EFCAB14: variants seen among roughly 807,000 people sequenced by gnomAD.
EFCAB14 encodes the protein EF-hand calcium-binding domain-containing protein 14.
Under a neutral mutation model 56.5 loss-of-function variants are expected in EFCAB14, and 43 were observed. That is an observed-to-expected ratio of 0.76 (90% CI 0.60 to 0.98). EFCAB14 has a LOEUF of 0.98. Ranked by LOEUF, EFCAB14 falls within the 50% of genes least tolerant of loss-of-function variation. The probability of loss-of-function intolerance (pLI) is 0.00; values close to 1 mark genes in which losing one functional copy is unlikely to be tolerated. For synonymous variants in EFCAB14, 235 were observed against 212.9 expected (o/e 1.10, Z -0.90); for missense variants, 538 against 580.3 (o/e 0.93, Z 0.75).
chr1:46,691,538 T>C (rs929530839), intron 5 of EFCAB14, among the ~76,000 whole-genome samples: 18 of 152,230 alleles, frequency 1.2e-4, no homozygotes, highest in Non-Finnish European at 1.2e-4. Context: ...GAGACACTTT[T>C]CCACTTCCTT....
At chr1:46,705,559 G>C (rs1276212963) in intron 3 of EFCAB14, among the ~76,000 whole-genome samples, 4 of 152,086 alleles carry the variant, frequency 2.6e-5, no homozygotes, top group African/African-American at 7.2e-5. Context: ...TGTTAGGTTA[G>C]CTGGCATGTG....
At chr1:46,697,638 C>G (rs1159547805) in intron 3 of EFCAB14, among the ~76,000 whole-genome samples, 1 of 152,092 alleles carries the variant, frequency 6.6e-6, no homozygotes, top group Non-Finnish European at 1.5e-5. Flanking sequence ...TAAGACAAAA[C>G]AGAACCTGAT....
intron 3 of EFCAB14, among the ~76,000 whole-genome samples, chr1:46,699,652 TATA>T (rs918748876): frequency 5.3e-5 from 8 of 152,132 alleles, no homozygotes; most frequent in African/African-American, 1.9e-4. Flanking sequence ...AGTAACTGGG[TATA>T]ATAATAATAA....
At position 46,719,017 on chromosome 1, in the gene EFCAB14, G is replaced by A; in HGVS notation, c.-930C>T. 6.3e-6 allele frequency: 1 copy of A among 157,684 alleles called. No individual in the cohort carries two copies. Among genetic ancestry groups the A allele is most frequent in the Non-Finnish European group, 1.4e-5 (1 of 71,852 alleles). 9.8% of individuals were successfully genotyped at this position (157,684 alleles called of 1,614,324 possible). A position where few individuals can be genotyped will look rare whatever the true frequency, so the allele number is the denominator to read the frequency against. On this transcript the variant is annotated 5_prime_UTR_variant, in exon 1 of 11. An upstream open reading frame in the 5' UTR gains an earlier in-frame stop. Transcript: ENST00000371933. This position sits in a 1 kb window ranked among gnomAD's most constrained non-coding sequence, Gnocchi z 4.0. The stretch of plus-strand genomic sequence containing the variant: ...CCCTGCTCCGGCTTCGGCCGCGGCT[G>A]CTCCCGACACGTTGTTGTTGGCGTT...
At chr1:46,716,246 C>T in intron 2 of EFCAB14, 49 bp downstream of exon 2, 5 of 1,239,078 alleles carry the variant, frequency 4.0e-6, no homozygotes, top group Non-Finnish European at 5.3e-6. Context: ...AAGACCCTGT[C>T]TCAAAAAAAA....
At chr1:46,688,292 G>A in intron 7 of EFCAB14, 61 bp downstream of exon 7, 1 of 1,509,746 alleles carries the variant, frequency 6.6e-7, no homozygotes, top group Non-Finnish European at 9.1e-7. Context: ...AAAGGTGGTA[G>A]AATGTTATCC....
chr1:46,690,134 G>A (rs1366742429), intron 5 of EFCAB14, among the ~76,000 whole-genome samples: 2 of 152,202 alleles, frequency 1.3e-5, no homozygotes, highest in African/African-American at 4.8e-5. Flanking sequence ...ACTGGCTTGG[G>A]CATTTAGCAT....
At position 46,678,312 on chromosome 1, in the gene EFCAB14, T is replaced by C; in HGVS notation, c.*149A>G. ...GTCTTCTTCTTTAAAAAAATAACTTTTATATAGCTTCTTCAAACAAGTTAA... is the reference window on the plus strand; with the variant it reads ...GTCTTCTTCTTTAAAAAAATAACTTCTATATAGCTTCTTCAAACAAGTTAA... On this transcript the variant is annotated 3_prime_UTR_variant, in exon 11 of 11. Coordinates refer to ENST00000371933, the MANE Select transcript of EFCAB14 (RefSeq NM_014774.3). 1.5e-6 allele frequency: 1 copy of C among 666,082 alleles called. No homozygotes were observed. The highest frequency in any genetic ancestry group is 2.3e-6 in the Non-Finnish European group (1 of 426,996). 41.3% of individuals were successfully genotyped at this position (666,082 alleles called of 1,614,324 possible).
chr1:46,691,564 T>C (rs558301755), intron 5 of EFCAB14, among the ~76,000 whole-genome samples: 90 of 152,360 alleles, frequency 5.9e-4, no homozygotes, highest in African/African-American at 2.0e-3. Context: ...CTTTTCCATT[T>C]TCTGTCCTAC....
intron 10 of EFCAB14, among the ~76,000 whole-genome samples, chr1:46,680,152 G>A (rs1424928583): frequency 1.3e-5 from 2 of 152,156 alleles, no homozygotes; most frequent in Non-Finnish European, 2.9e-5. Flanking sequence ...GAAAAGTGTA[G>A]GAGTTCCTCA....
intron 2 of EFCAB14, among the ~76,000 whole-genome samples, chr1:46,712,783 G>A (rs138584867): frequency 6.6e-6 from 1 of 152,140 alleles, no homozygotes; most frequent in Non-Finnish European, 1.5e-5. Context: ...CGAGAAGAGT[G>A]AATTACCTGA....
chr1:46,707,894 A>G lies in EFCAB14; in HGVS notation c.480+12T>C. 1 of 1,605,726 alleles carries G rather than the reference A, an allele frequency of 6.2e-7. No homozygotes were observed. The highest frequency in any genetic ancestry group is 1.7e-5 in the Admixed American group (1 of 59,530). ...TTCATAGCTTACACAGCAAAAATCA[A>G]ACTTTTAGTACCTGCTTATTCATTT... On this transcript the variant is annotated intron_variant, in intron 3 of 10. Coordinates refer to ENST00000371933, the MANE Select transcript of EFCAB14 (RefSeq NM_014774.3).
At chr1:46,716,267 A>G (rs1228634153) in intron 2 of EFCAB14, 28 bp downstream of exon 2, 1 of 1,491,252 alleles carries the variant, frequency 6.7e-7, no homozygotes, top group East Asian at 2.4e-5. Flanking sequence ...AAAAAAAAAA[A>G]AAAAAAAGAG....
chr1:46,678,172 T>C lies in EFCAB14; in HGVS notation c.*289A>G. The C allele has an allele frequency of 3.9e-6, 1 of 255,424 alleles. No homozygotes were observed. The highest frequency in any genetic ancestry group is 9.8e-5 in the East Asian group (1 of 10,234). 15.8% of individuals were successfully genotyped at this position (255,424 alleles called of 1,614,324 possible). A position where few individuals can be genotyped will look rare whatever the true frequency, so the allele number is the denominator to read the frequency against. On this transcript the variant is annotated 3_prime_UTR_variant, in exon 11 of 11. Coordinates refer to ENST00000371933, the MANE Select transcript of EFCAB14 (RefSeq NM_014774.3). ...CTTTAAAAGATAAGGTCTCCTCCCC[T>C]CAAAAAAAGGAAAGAGAAAAAAAGA...
intron 10 of EFCAB14, among the ~76,000 whole-genome samples, chr1:46,680,187 C>G (rs1022594987): frequency 2.0e-5 from 3 of 152,088 alleles, no homozygotes; most frequent in Non-Finnish European, 4.4e-5. Flanking sequence ...TCATATGACC[C>G]ATTAATTCCA....
At chr1:46,713,867 T>G (rs186367672) in intron 2 of EFCAB14, among the ~76,000 whole-genome samples, 170 of 152,160 alleles carry the variant, frequency 1.1e-3, no homozygotes, top group Admixed American at 2.1e-3. Flanking sequence ...TGCTTACTAC[T>G]TACAAAGGAA....
intron 2 of EFCAB14, among the ~76,000 whole-genome samples, chr1:46,712,030 G>A (rs1018366128): frequency 6.6e-6 from 1 of 152,268 alleles, no homozygotes; most frequent in South Asian, 2.1e-4. Context: ...ACATCTTTAT[G>A]TTTTATAGAT....
At position 46,691,812 on chromosome 1, in the gene EFCAB14, G is replaced by C. The variant is rs757917342; in HGVS notation, c.690+15C>G. 6.3e-7 allele frequency: 1 copy of C among 1,596,796 alleles called. No individual in the cohort carries two copies. Among genetic ancestry groups the C allele is most frequent in the South Asian group, 1.1e-5 (1 of 89,618 alleles). ...AGGGTGAGCAGGAGCATGCTGACTTGCTGGGTCTCCTTACCATATCACTCT... is the reference window on the plus strand; with the variant it reads ...AGGGTGAGCAGGAGCATGCTGACTTCCTGGGTCTCCTTACCATATCACTCT... On this transcript the variant is annotated intron_variant, in intron 5 of 10. Coordinates refer to ENST00000371933, the MANE Select transcript of EFCAB14 (RefSeq NM_014774.3).
At chr1:46,716,473 T>C (rs774900050) in intron 1 of EFCAB14, 30 bp from the exon 2 acceptor site, 1 of 1,612,110 alleles carries the variant, frequency 6.2e-7, no homozygotes. Context: ...CAACCATGAG[T>C]ACAAAAGTGA....
Sources: gnomAD v4.1 joint callset for allele counts (sites outside exome capture counted in the v4.1 genomes callset) on GRCh38, gnomAD v4.1.1 for gene constraint, Gnocchi (gnomAD v3.1) non-coding constraint, MANE v1.5 for transcripts, NCBI Gene and HGNC (gene_info 2026-07-23, HGNC 2026-07-21) for gene names.